TMEM150C: variants seen among roughly 807,000 people sequenced by gnomAD.
TMEM150C encodes transmembrane protein 150C.
Under a neutral mutation model 29.9 loss-of-function variants are expected in TMEM150C, and 10 were observed. The observed-to-expected ratio is 0.33, with a 90% confidence interval of 0.21 to 0.57. TMEM150C has a LOEUF of 0.57. TMEM150C is among the 20% of genes least tolerant of loss of function. TMEM150C has a pLI of 0.88. For synonymous variants in TMEM150C, 101 were observed against 112.5 expected (o/e 0.90, Z 0.64); for missense variants, 251 against 303.6 (o/e 0.83, Z 1.29).
At chr4:82,502,618 T>A in intron 5 of TMEM150C, 109 bp downstream of exon 5, 1 of 1,090,914 alleles carries the variant, frequency 9.2e-7, no homozygotes, top group African/African-American at 1.6e-5. Flanking sequence ...CATCGTATGA[T>A]ACTAAATGAT....
At chr4:82,491,021 A>C (rs1198075941) in intron 6 of TMEM150C, 1 of 737,342 alleles carries the variant, frequency 1.4e-6, no homozygotes, top group African/African-American at 1.7e-5. Flanking sequence ...TGAAGACAAC[A>C]GTGGTGCAGG....
intron 1 of TMEM150C, chr4:82,509,588 G>A (rs866639576): frequency 3.9e-5 from 6 of 152,158 alleles, no homozygotes; most frequent in Admixed American, 1.3e-4. Flanking sequence ...CTGAGGTCAG[G>A]AGTTCGAGAC....
chr4:82,520,064 C>T (rs1345488226), intron 1 of TMEM150C, among the ~76,000 whole-genome samples: 1 of 152,168 alleles, frequency 6.6e-6, no homozygotes, highest in African/African-American at 2.4e-5. Context: ...ATGAAAGAAA[C>T]CTGTCACACT....
chr4:82,495,939 A>G, intron 6 of TMEM150C, 129 bp downstream of exon 6: 1 of 1,211,826 alleles, frequency 8.3e-7, no homozygotes. Context: ...AAAGAGTCCT[A>G]GTTTTTAAAA....
intron 1 of TMEM150C, among the ~76,000 whole-genome samples, chr4:82,559,706 A>G (rs1725856438): frequency 6.6e-6 from 1 of 152,226 alleles, no homozygotes; most frequent in African/African-American, 2.4e-5. Flanking sequence ...CCCTTACCAG[A>G]ACCTAATCAC....
intron 1 of TMEM150C, among the ~76,000 whole-genome samples, chr4:82,526,741 A>C (rs186707447): frequency 3.2e-4 from 49 of 152,278 alleles, no homozygotes; most frequent in African/African-American, 9.9e-4. Flanking sequence ...CTCTCAATTA[A>C]TTATAATGCT....
chr4:82,504,489 C>T (rs1723836994), intron 2 of TMEM150C, 89 bp downstream of exon 2: 1 of 1,080,318 alleles, frequency 9.3e-7, no homozygotes, highest in African/African-American at 1.6e-5. Context: ...GCATGAGCCA[C>T]CGTGCCCGGC....
chr4:82,504,816 G>A, intron 1 of TMEM150C, 149 bp from the exon 2 acceptor site: 4 of 561,348 alleles, frequency 7.1e-6, no homozygotes, highest in Admixed American at 5.0e-5. Flanking sequence ...GGATCACGAG[G>A]TCAGGAGATC....
chr4:82,518,237 A>G (rs556353611), intron 1 of TMEM150C, among the ~76,000 whole-genome samples: 2 of 151,644 alleles, frequency 1.3e-5, no homozygotes, highest in South Asian at 4.2e-4. Context: ...AATTGCTTGA[A>G]CCCGGGAGGT....
intron 1 of TMEM150C, among the ~76,000 whole-genome samples, chr4:82,514,868 G>A (rs1724242051): frequency 6.6e-6 from 1 of 152,066 alleles, no homozygotes; most frequent in Non-Finnish European, 1.5e-5. Context: ...TCACTGATAT[G>A]AAATAGCCAC....
intron 7 of TMEM150C, 103 bp downstream of exon 7, chr4:82,489,958 A>G (rs946473042): frequency 8.5e-6 from 10 of 1,181,146 alleles, no homozygotes; most frequent in Non-Finnish European, 1.2e-5. Context: ...TAAGATTCTG[A>G]GAAGATCTGG....
chr4:82,557,186 G>T (rs1208561937), intron 1 of TMEM150C, among the ~76,000 whole-genome samples: 1 of 152,196 alleles, frequency 6.6e-6, no homozygotes. Context: ...CATGCTTGAT[G>T]CTAAATCAAA....
chr4:82,495,038 A>T (rs1723497448), intron 6 of TMEM150C: 10 of 1,224,046 alleles, frequency 8.2e-6, no homozygotes, highest in Non-Finnish European at 1.1e-5. Context: ...GCTGCAGGAC[A>T]CGTGGAGTAA....
At chr4:82,519,949 C>G (rs1411518540) in intron 1 of TMEM150C, among the ~76,000 whole-genome samples, 2 of 152,030 alleles carry the variant, frequency 1.3e-5, no homozygotes, top group Non-Finnish European at 2.9e-5. Flanking sequence ...AAAGTGAAAC[C>G]GCTGATAAAG....
At chr4:82,516,008 T>C (rs1281461663) in intron 1 of TMEM150C, among the ~76,000 whole-genome samples, 1 of 152,036 alleles carries the variant, frequency 6.6e-6, no homozygotes, top group East Asian at 1.9e-4. Flanking sequence ...ATGCTGGCTC[T>C]CCTTGCTAGG....
In TMEM150C at chr4:82,524,146, T is replaced by C. The variant is rs984376463; in HGVS notation, c.-10-19479A>G. Among the ~76,000 whole-genome samples, 7 of 149,764 alleles carry C rather than the reference T, an allele frequency of 4.7e-5. No individual in the cohort carries two copies. In the East Asian group the frequency reaches 1.2e-3, roughly 25 times the overall value. On this transcript the variant is annotated intron_variant, in intron 1 of 7. Coordinates refer to ENST00000449862, the MANE Select transcript of TMEM150C (RefSeq NM_001080506.3). ...AGCAGGGCGTGGTGGTGGGTGCCTGTGGTCCCAGCTACTCGGAAGGCTGAG... is the reference window on the plus strand; with the variant it reads ...AGCAGGGCGTGGTGGTGGGTGCCTGCGGTCCCAGCTACTCGGAAGGCTGAG...
intron 1 of TMEM150C, among the ~76,000 whole-genome samples, chr4:82,556,132 C>A (rs1477979556): frequency 6.6e-6 from 1 of 151,900 alleles, no homozygotes; most frequent in Non-Finnish European, 1.5e-5. Flanking sequence ...GCACACATCA[C>A]CACACCCGGC....
rs1224811414 is a variant in TMEM150C at position 82,484,147 on chromosome 4, CTG to C, written c.*1362_*1363del. ...AATCCCAGACCTCTATGGGGTAAAT[CTG>C]GGGATTTCTTGGAAGAAAGTGCACT... On this transcript the variant is annotated 3_prime_UTR_variant, in exon 8 of 8. Transcript: ENST00000449862. The C allele has an allele frequency of 6.6e-6, 1 of 151,992 alleles. No individual in the cohort carries two copies. Among genetic ancestry groups the C allele is most frequent in the Non-Finnish European group, 1.5e-5 (1 of 68,006 alleles). The allele number at this position is 151,992 out of a possible 1,614,324, so 9.4% of individuals were successfully genotyped here. A position where few individuals can be genotyped will look rare whatever the true frequency, so the allele number is the denominator to read the frequency against.
chr4:82,504,767 A>G lies in TMEM150C; in HGVS notation c.-10-100T>C, dbSNP rs1723856359. The G allele has an allele frequency of 5.4e-6, 5 of 932,314 alleles. No homozygotes were observed. In the East Asian group the frequency reaches 1.5e-4, roughly 28 times the overall value. The allele number at this position is 932,314 out of a possible 1,614,324, so 57.8% of individuals were successfully genotyped here. A position where few individuals can be genotyped will look rare whatever the true frequency, so the allele number is the denominator to read the frequency against. On this transcript the variant is annotated intron_variant, in intron 1 of 7. Coordinates refer to ENST00000449862, the MANE Select transcript of TMEM150C (RefSeq NM_001080506.3). Reference sequence around the variant, plus strand: ...CTAACTGGGCCAAGCACGGTGGCTTACACCTGTAATCCCAGCACTTTGGGA... The same window carrying G: ...CTAACTGGGCCAAGCACGGTGGCTTGCACCTGTAATCCCAGCACTTTGGGA...
Sources: allele counts gnomAD v4.1 joint callset (sites outside exome capture counted in the v4.1 genomes callset), GRCh38; gene constraint gnomAD v4.1.1; transcripts MANE v1.5; gene names NCBI Gene and HGNC (gene_info 2026-07-23, HGNC 2026-07-21).